Variants in SPATA6L observed in about 807,000 individuals in gnomAD.
SPATA6L encodes spermatogenesis associated 6 like, also known as spermatogenesis associated 6-like protein.
A neutral mutation model predicts 49.2 loss-of-function variants in SPATA6L; 68 were observed. That is an observed-to-expected ratio of 1.38 (90% CI 1.14 to 1.69). The LOEUF (loss-of-function observed/expected upper bound fraction) is 1.69. SPATA6L is among the 40% of genes most tolerant of loss of function. The pLI is 0.00. For synonymous variants in SPATA6L, 198 were observed against 165.7 expected (o/e 1.19, Z -1.50); for missense variants, 668 against 464.3 (o/e 1.44, Z -4.03).
At chr9:4,607,081 G>A (rs979368405) in intron 9 of SPATA6L, among the ~76,000 whole-genome samples, 14 of 151,556 alleles carry the variant, frequency 9.2e-5, no homozygotes, top group Non-Finnish European at 1.5e-4. Flanking sequence ...AAGCGAGAAG[G>A]GAAGTTTAGA....
At chr9:4,605,869 C>A (rs569614477) in intron 9 of SPATA6L, among the ~76,000 whole-genome samples, 1 of 152,184 alleles carries the variant, frequency 6.6e-6, no homozygotes, top group Non-Finnish European at 1.5e-5. Flanking sequence ...ACGCAGAGGA[C>A]GGGTGATTTC....
chr9:4,625,616 G>T, intron 5 of SPATA6L, 50 bp from the exon 6 acceptor site: 1 of 1,333,552 alleles, frequency 7.5e-7, no homozygotes, highest in Non-Finnish European at 1.0e-6. Flanking sequence ...AAGAAAAGAA[G>T]AAAATTCAAT....
rs1586911798 is a variant in SPATA6L, at chr9:4,599,675, C to T, written c.*1136G>A. Among the ~76,000 whole-genome samples the T allele has an allele frequency of 3.3e-5, 5 of 152,182 alleles. No homozygotes were observed. The South Asian group carries it at 1.0e-3, about 31-fold the overall frequency. On this transcript the variant is annotated 3_prime_UTR_variant, in exon 12 of 12. Coordinates refer to ENST00000682582, the MANE Select transcript of SPATA6L (RefSeq NM_001353486.2). ...CAGAGATGGCGCCTTCTCGCTGTCTCCTCGCCAGTGGAAGGGGCAAACGAG... is the reference window on the plus strand; with the variant it reads ...CAGAGATGGCGCCTTCTCGCTGTCTTCTCGCCAGTGGAAGGGGCAAACGAG...
At chr9:4,619,150 T>G (rs933345982) in intron 7 of SPATA6L, among the ~76,000 whole-genome samples, 1 of 148,360 alleles carries the variant, frequency 6.7e-6, no homozygotes, top group Admixed American at 6.8e-5. Flanking sequence ...ACAGTCAGGT[T>G]TTCTCTTTTT....
rs932018990 is a variant in SPATA6L, at chr9:4,600,465, G to C, written c.*346C>G. 8.5e-6 allele frequency: 1 copy of C among 117,278 alleles called. No individual in the cohort carries two copies. The highest frequency in any genetic ancestry group is 1.8e-5 in the Non-Finnish European group (1 of 54,164). The allele number at this position is 117,278 out of a possible 1,614,324, so 7.3% of individuals were successfully genotyped here. On this transcript the variant is annotated 3_prime_UTR_variant, in exon 12 of 12. Coordinates refer to ENST00000682582, the MANE Select transcript of SPATA6L (RefSeq NM_001353486.2). ...TAGCTCATATATAATTAATTTGAGA[G>C]AGAGAGACAGAGAGAGCCAGAGAGA...
At chr9:4,660,343 C>A (rs181239899) in intron 2 of SPATA6L, among the ~76,000 whole-genome samples, 1 of 152,166 alleles carries the variant, frequency 6.6e-6, no homozygotes, top group East Asian at 1.9e-4. Flanking sequence ...AAGAAAAAAT[C>A]AAAAAACCCC....
chr9:4,622,574 A>G, intron 6 of SPATA6L, 64 bp from the exon 7 acceptor site: 1 of 1,130,734 alleles, frequency 8.8e-7, no homozygotes, highest in Non-Finnish European at 1.3e-6. Flanking sequence ...TCCCCTCGTT[A>G]CCGGAATGCC....
rs1205172152 is a variant in SPATA6L, at chr9:4,606,984, C to A, written c.996-1544G>T. On this transcript the variant is annotated intron_variant, in intron 9 of 11. Coordinates refer to ENST00000682582, the MANE Select transcript of SPATA6L (RefSeq NM_001353486.2). ...GGAGCTGAAAACCAAGGCTCAAGAA[C>A]TACGTGAAGAATGCAGAAGCCTCAG... is the stretch of plus-strand genomic sequence containing the variant. 9.5e-5 allele frequency among the ~76,000 whole-genome samples: 14 copies of A among 147,776 alleles called. No homozygotes were observed. In the South Asian group the frequency reaches 2.6e-3, roughly 27 times the overall value.
chr9:4,633,651 A>G (rs1832132362), intron 4 of SPATA6L: 1 of 154,316 alleles, frequency 6.5e-6, no homozygotes, highest in Non-Finnish European at 1.5e-5. Flanking sequence ...AGGCTGCAGA[A>G]TATGCGAAAC....
At chr9:4,649,036 AT>A in intron 3 of SPATA6L, among the ~76,000 whole-genome samples, 1 of 70,862 alleles carries the variant, frequency 1.4e-5, no homozygotes, top group Non-Finnish European at 2.3e-5. Flanking sequence ...GTAGTATTCC[AT>A]CATATATAAT....
rs184282332 is a variant in SPATA6L, at chr9:4,661,147, A to T, written c.177+752T>A. Among the ~76,000 whole-genome samples the T allele has an allele frequency of 9.5e-3, 1,454 of 152,286 alleles. 22 individuals are homozygous for T. Among genetic ancestry groups the T allele is most frequent in the African/African-American group, 0.032 (1,326 of 41,544 alleles). ...TAGAACTTAAAGTATAATTTTTTTAAAAAAATGTGACATGCTCTACTCTGT... is the reference window on the plus strand; with the variant it reads ...TAGAACTTAAAGTATAATTTTTTTATAAAAATGTGACATGCTCTACTCTGT... On this transcript the variant is annotated intron_variant, in intron 2 of 11. Transcript: ENST00000682582.
intron 9 of SPATA6L, among the ~76,000 whole-genome samples, chr9:4,610,000 C>T (rs201417097): frequency 1.3e-5 from 2 of 151,646 alleles, no homozygotes; most frequent in African/African-American, 4.8e-5. Context: ...TATACACCAA[C>T]AACAGACAAA....
chr9:4,628,398 A>C (rs1214771008), intron 5 of SPATA6L: 31 of 152,108 alleles, frequency 2.0e-4, no homozygotes, highest in Non-Finnish European at 1.5e-5. Context: ...CGTACCCATA[A>C]AAAATTAAAA....
chr9:4,657,479 G>A (rs964887169), intron 2 of SPATA6L, among the ~76,000 whole-genome samples: 1 of 151,906 alleles, frequency 6.6e-6, no homozygotes, highest in Non-Finnish European at 1.5e-5. Flanking sequence ...GATAGGGTAG[G>A]CCTCTGATAA....
At chr9:4,614,087 T>C (rs1207307931) in intron 9 of SPATA6L, among the ~76,000 whole-genome samples, 1 of 152,114 alleles carries the variant, frequency 6.6e-6, no homozygotes, top group East Asian at 1.9e-4. Context: ...GAATGATGAG[T>C]CAACAGATGG....
rs753598789 is a variant in SPATA6L at position 4,625,512 on chromosome 9, G to C, written c.484C>G (p.Pro162Ala). 6.2e-7 allele frequency: 1 copy of C among 1,613,044 alleles called. No homozygotes were observed. The highest frequency in any genetic ancestry group is 1.3e-5 in the African/African-American group (1 of 74,868). Residue 162 changes from proline to alanine, a missense_variant, in exon 6 of 12, where the codon CCC becomes GCC. Transcript: ENST00000682582. Reference sequence around the variant, plus strand: ...AGTTTCATCTTTATAGTATTTAAGGGAAATATTGGTTCATGTGATGTAGAT... The same window carrying C: ...AGTTTCATCTTTATAGTATTTAAGGCAAATATTGGTTCATGTGATGTAGAT... ...PLSTSHEPIF[P>A]LNTIKMKLKE...
chr9:4,640,680 A>T (rs1833839556), intron 3 of SPATA6L, among the ~76,000 whole-genome samples: 1 of 152,222 alleles, frequency 6.6e-6, no homozygotes, highest in Non-Finnish European at 1.5e-5. Flanking sequence ...CACAGTGTAG[A>T]TCATGTGCAA....
intron 4 of SPATA6L, among the ~76,000 whole-genome samples, chr9:4,631,806 C>T (rs1293413577): frequency 6.6e-6 from 1 of 152,110 alleles, no homozygotes; most frequent in Non-Finnish European, 1.5e-5. Flanking sequence ...AGTAAGAGTG[C>T]AGGCTCTGAA....
intron 4 of SPATA6L, among the ~76,000 whole-genome samples, chr9:4,630,438 C>G (rs1831285875): frequency 6.6e-6 from 1 of 152,192 alleles, no homozygotes; most frequent in Non-Finnish European, 1.5e-5. Flanking sequence ...CTCCACCTGA[C>G]CCCATCGACT....
Sources: allele counts gnomAD v4.1 joint callset (sites outside exome capture counted in the v4.1 genomes callset), GRCh38; gene constraint gnomAD v4.1.1; transcripts MANE v1.5; gene names NCBI Gene and HGNC (gene_info 2026-07-23, HGNC 2026-07-21).